Variants in NLGN4X observed in about 807,000 individuals in gnomAD.
NLGN4X encodes neuroligin 4 X-linked.
In NLGN4X, 3 loss-of-function variants were observed where a neutral mutation model predicts 40.3. The ratio of observed to expected loss-of-function variants is 0.07; its 90% CI spans 0.03 to 0.19. The LOEUF is 0.19. Ranked by LOEUF, NLGN4X falls within the 10% of genes least tolerant of loss-of-function variation. The probability of loss-of-function intolerance (pLI) is 1.00; values close to 1 mark genes in which losing one functional copy is unlikely to be tolerated. For missense variants in NLGN4X, 382 were observed against 708.3 expected, an observed-to-expected ratio of 0.54 and a Z score of 5.23; for synonymous variants, 270 against 306.8, an observed-to-expected ratio of 0.88 and a Z score of 1.25.
At chrX:6,065,848 TA>T (rs2037900624) in intron 2 of NLGN4X, among the ~76,000 whole-genome samples, 1 of 112,119 alleles carries the variant, frequency 8.9e-6, no homozygotes, top group Non-Finnish European at 1.9e-5. Flanking sequence ...GACTGTTTTT[TA>T]AAATAGCTAA....
chrX:6,032,238 CA>C (rs1292272403), intron 2 of NLGN4X, among the ~76,000 whole-genome samples: 5 of 48,200 alleles, frequency 1.0e-4, no homozygotes, highest in African/African-American at 3.8e-4. Flanking sequence ...CCCCCCCCCC[CA>C]AAAAAAATTC....
At chrX:5,933,652 A>C (rs951034661) in intron 3 of NLGN4X, among the ~76,000 whole-genome samples, 4 of 111,986 alleles carry the variant, frequency 3.6e-5, no homozygotes, top group African/African-American at 1.3e-4. Context: ...ATATCTATTA[A>C]ATGACAGGTA....
chrX:6,148,812 C>G (rs1172333417), intron 2 of NLGN4X, among the ~76,000 whole-genome samples: 1 of 111,951 alleles, frequency 8.9e-6, no homozygotes, highest in East Asian at 2.8e-4. Flanking sequence ...CCGCGCCTGG[C>G]CTGCACTGGT....
At position 6,228,647 on chromosome X, in the gene NLGN4X, C is replaced by G. The variant is rs1333283191; in HGVS notation, c.-412G>C. 1 of 111,004 alleles carries G rather than the reference C, an allele frequency of 9.0e-6. No individual in the cohort carries two copies. Among genetic ancestry groups the G allele is most frequent in the East Asian group, 2.8e-4 (1 of 3,527 alleles). 9.1% of individuals were successfully genotyped at this position (111,004 alleles called of 1,213,427 possible). ...TGATTCAGGAGGATGTATTGAAAGC[C>G]CAGGAGCCTTCCCCTTCTGGAACCC... On this transcript the variant is annotated 5_prime_UTR_variant, in exon 1 of 6. Transcript: ENST00000381095.
chrX:6,119,789 C>A (rs5961934), intron 2 of NLGN4X, among the ~76,000 whole-genome samples: 45,887 of 109,948 alleles, frequency 0.42, 7,082 homozygotes, highest in Middle Eastern at 0.63. Context: ...ACAGAGCGAG[C>A]AAATGTACCT....
rs948283927 is a variant in NLGN4X, at chrX:5,891,605, CT to C, written c.*1211del. ...AGCCCCACCAAAGGCAAGCTTTCTTCTTTTTTTGGCAGGGCCCTGAAATGGG... is the reference window on the plus strand; with the variant it reads ...AGCCCCACCAAAGGCAAGCTTTCTTCTTTTTTGGCAGGGCCCTGAAATGGG... On this transcript the variant is annotated 3_prime_UTR_variant, in exon 6 of 6. Transcript: ENST00000381095. 7 of 245,501 alleles carry C rather than the reference CT, an allele frequency of 2.9e-5. No homozygotes were observed. Among genetic ancestry groups the C allele is most frequent in the African/African-American group, 3.0e-5 (1 of 33,749 alleles). 20.2% of individuals were successfully genotyped at this position (245,501 alleles called of 1,213,427 possible). A position where few individuals can be genotyped will look rare whatever the true frequency, so the allele number is the denominator to read the frequency against.
In NLGN4X at chrX:6,178,569, T is replaced by C. The variant is rs776502095; in HGVS notation, c.-305-26798A>G. 2.6e-3 allele frequency among the ~76,000 whole-genome samples: 295 copies of C among 112,416 alleles called. 1 individual carries two copies. The highest frequency in any genetic ancestry group is 9.1e-3 in the African/African-American group (281 of 30,982). On this transcript the variant is annotated intron_variant, in intron 1 of 5. Coordinates refer to ENST00000381095, the MANE Select transcript of NLGN4X (RefSeq NM_181332.3). The stretch of plus-strand genomic sequence containing the variant: ...GACAGATTGAATCTGCCTAAACTGC[T>C]AGCAGAATGAAATACGACCATGAAT...
intron 2 of NLGN4X, among the ~76,000 whole-genome samples, chrX:6,054,220 ATCT>A (rs72219346): frequency 0.06 from 6,649 of 111,677 alleles, 418 homozygotes; most frequent in African/African-American, 0.19. Flanking sequence ...AAGTTTCATC[ATCT>A]TTACCTAGAG....
chrX:5,985,522 A>T (rs766731206), intron 3 of NLGN4X, among the ~76,000 whole-genome samples: 1 of 111,171 alleles, frequency 9.0e-6, no homozygotes, highest in Non-Finnish European at 1.9e-5. Flanking sequence ...GGAGGATTCT[A>T]AAGTGATCCT....
chrX:6,209,143 A>G (rs899505581), intron 1 of NLGN4X, among the ~76,000 whole-genome samples: 3 of 112,005 alleles, frequency 2.7e-5, no homozygotes, highest in Admixed American at 9.5e-5. Flanking sequence ...AAAGTCAAAA[A>G]CCACATGTCC....
intron 3 of NLGN4X, among the ~76,000 whole-genome samples, chrX:5,957,686 A>G (rs1284465548): frequency 9.0e-6 from 1 of 111,432 alleles, no homozygotes; most frequent in Admixed American, 9.6e-5. Flanking sequence ...GCTGGTATGT[A>G]TTGCCTGGTG....
chrX:5,967,337 T>TTA (rs1276980263), intron 3 of NLGN4X, among the ~76,000 whole-genome samples: 3 of 112,209 alleles, frequency 2.7e-5, no homozygotes, highest in African/African-American at 9.7e-5. Flanking sequence ...TATTTTTATG[T>TTA]TATTTTATTG....
chrX:6,153,603 G>A (rs1254605965), intron 1 of NLGN4X, among the ~76,000 whole-genome samples: 3 of 112,131 alleles, frequency 2.7e-5, no homozygotes, highest in Non-Finnish European at 5.6e-5. Context: ...AGCTACTTGG[G>A]ACTAAATGAG....
chrX:5,955,062 TTTTTA>T (rs2146958343), intron 3 of NLGN4X, among the ~76,000 whole-genome samples: 1 of 112,374 alleles, frequency 8.9e-6, no homozygotes, highest in African/African-American at 3.2e-5. Context: ...ATATTCCATT[TTTTTA>T]AAACTTGCAA....
rs147963634 is a variant in NLGN4X at position 6,162,573 on chromosome X, C to T, written c.-305-10802G>A. ...CTCCAAGTCCTTCAGCTTTGGGATT[C>T]GGACTGGCTTCCTTGCTCCTCAGCT... On this transcript the variant is annotated intron_variant, in intron 1 of 5. Coordinates refer to ENST00000381095, the MANE Select transcript of NLGN4X (RefSeq NM_181332.3). 6.1e-4 allele frequency among the ~76,000 whole-genome samples: 68 copies of T among 111,791 alleles called. 1 individual carries two copies. In the East Asian group the frequency reaches 0.017, roughly 28 times the overall value.
chrX:6,095,721 G>A (rs1399645218), intron 2 of NLGN4X, among the ~76,000 whole-genome samples: 2 of 111,764 alleles, frequency 1.8e-5, no homozygotes, highest in African/African-American at 6.5e-5. Flanking sequence ...AGGTAGTTTT[G>A]GTTGTCACAA....
intron 2 of NLGN4X, among the ~76,000 whole-genome samples, chrX:6,111,200 G>T (rs1477962494): frequency 8.9e-6 from 1 of 112,007 alleles, no homozygotes; most frequent in Non-Finnish European, 1.9e-5. Flanking sequence ...AATGTATCTT[G>T]TTATATAGTC....
intron 2 of NLGN4X, among the ~76,000 whole-genome samples, chrX:6,055,272 A>C (rs1175625698): frequency 8.9e-6 from 1 of 111,942 alleles, no homozygotes; most frequent in Non-Finnish European, 1.9e-5. Context: ...AGCCGGGAGG[A>C]TCATTTGAGG....
At chrX:6,191,661 C>T (rs1182319385) in intron 1 of NLGN4X, among the ~76,000 whole-genome samples, 2 of 111,480 alleles carry the variant, frequency 1.8e-5, no homozygotes, top group Non-Finnish European at 3.8e-5. Flanking sequence ...GAGTTCAAGA[C>T]CAGCCTGGCC....
Sources: gnomAD v4.1 joint callset for allele counts (sites outside exome capture counted in the v4.1 genomes callset) on GRCh38, gnomAD v4.1.1 for gene constraint, MANE v1.5 for transcripts, NCBI Gene and HGNC (gene_info 2026-07-23, HGNC 2026-07-21) for gene names.